SPIDR: variants seen among roughly 807,000 people sequenced by gnomAD.
The protein encoded by SPIDR is scaffold protein involved in DNA repair.
A neutral mutation model predicts 104.6 loss-of-function variants in SPIDR; 93 were observed. The observed-to-expected ratio is 0.89, with a 90% CI of 0.75 to 1.06. SPIDR has a LOEUF of 1.06. Among genes scored for constraint, SPIDR ranks in the 50% least tolerant of loss-of-function variants. The pLI, the probability that SPIDR is intolerant of heterozygous loss-of-function variation, is 0.00. For missense variants in SPIDR, 1,154 were observed against 1,111.2 expected, an observed-to-expected ratio of 1.04 and a Z score of -0.55; for synonymous variants, 431 against 416.9, an observed-to-expected ratio of 1.03 and a Z score of -0.41.
intron 5 of SPIDR, among the ~76,000 whole-genome samples, chr8:47,366,522 A>AGTGTGTT (rs1301289182): frequency 2.0e-5 from 3 of 152,170 alleles, no homozygotes; most frequent in Middle Eastern, 6.3e-3. Flanking sequence ...CTAGGTACGA[A>AGTGTGTT]GTGTGTTTCA....
At chr8:47,457,654 A>G (rs2073214697) in intron 8 of SPIDR, among the ~76,000 whole-genome samples, 2 of 152,084 alleles carry the variant, frequency 1.3e-5, no homozygotes, top group Non-Finnish European at 2.9e-5. Context: ...TTGGTCATGA[A>G]AACTTTGTCT....
intron 8 of SPIDR, among the ~76,000 whole-genome samples, chr8:47,560,770 T>A (rs887009913): frequency 1.3e-5 from 2 of 152,168 alleles, no homozygotes; most frequent in African/African-American, 4.8e-5. Context: ...CGTAGGGTGA[T>A]CTAGCCATTT....
intron 5 of SPIDR, among the ~76,000 whole-genome samples, chr8:47,351,568 A>G (rs984620039): frequency 5.7e-4 from 87 of 152,232 alleles, no homozygotes; most frequent in African/African-American, 2.0e-3. Context: ...AAACAAAATG[A>G]TGTCTTAATT....
chr8:47,265,800 A>G (rs2033839348), intron 1 of SPIDR, among the ~76,000 whole-genome samples: 2 of 152,204 alleles, frequency 1.3e-5, no homozygotes, highest in East Asian at 3.9e-4. Flanking sequence ...GGGCCTTGCT[A>G]GATCAAAGTG....
chr8:47,628,004 C>T (rs988519820), intron 10 of SPIDR, among the ~76,000 whole-genome samples: 2 of 152,202 alleles, frequency 1.3e-5, no homozygotes, highest in African/African-American at 4.8e-5. Context: ...ATACCACTGA[C>T]TGTGTTTACA....
intron 8 of SPIDR, among the ~76,000 whole-genome samples, chr8:47,525,066 G>A (rs892145813): frequency 1.3e-5 from 2 of 152,186 alleles, no homozygotes; most frequent in African/African-American, 4.8e-5. Context: ...CATTCTTCCC[G>A]GACTAGGGTG....
chr8:47,529,928 A>G (rs1051599899), intron 8 of SPIDR, among the ~76,000 whole-genome samples: 1 of 152,198 alleles, frequency 6.6e-6, no homozygotes, highest in Non-Finnish European at 1.5e-5. Context: ...GGAACCACAT[A>G]AAAAAGTAAA....
At chr8:47,527,390 C>T (rs533207913) in intron 8 of SPIDR, 2 of 152,342 alleles carry the variant, frequency 1.3e-5, no homozygotes, top group Non-Finnish European at 2.9e-5. Flanking sequence ...TTACTAAAGA[C>T]CTAGACCTCA....
chr8:47,608,593 C>T (rs892151928), intron 10 of SPIDR, among the ~76,000 whole-genome samples: 5 of 152,238 alleles, frequency 3.3e-5, no homozygotes, highest in African/African-American at 7.2e-5. Flanking sequence ...TCCACTTTCT[C>T]CACATCCACT....
chr8:47,493,424 A>G (rs2079028929), intron 8 of SPIDR, among the ~76,000 whole-genome samples: 3 of 152,232 alleles, frequency 2.0e-5, no homozygotes, highest in Admixed American at 1.3e-4. Flanking sequence ...AAGGAAATTA[A>G]TGCTGTGGGA....
chr8:47,407,971 G>A lies in SPIDR; in HGVS notation c.877+10G>A. On this transcript the variant is annotated intron_variant, in intron 7 of 19. Transcript: ENST00000297423. ...CAAAAGACACTTTCAGGTAAGGCTT[G>A]TGCAGGAATCTGAGACAATGTGTAA... is the stretch of plus-strand genomic sequence containing the variant. 2.0e-6 allele frequency: 3 copies of A among 1,496,790 alleles called. No homozygotes were observed. The highest frequency in any genetic ancestry group is 2.7e-6 in the Non-Finnish European group (3 of 1,094,216). The allele number at this position is 1,496,790 out of a possible 1,614,324, so 92.7% of individuals were successfully genotyped here. A position where few individuals can be genotyped will look rare whatever the true frequency, so the allele number is the denominator to read the frequency against.
intron 11 of SPIDR, among the ~76,000 whole-genome samples, chr8:47,696,375 T>G (rs1421554469): frequency 6.6e-6 from 1 of 152,246 alleles, no homozygotes; most frequent in African/African-American, 2.4e-5. Context: ...CGTATAAATA[T>G]CTCCATTTGT....
At chr8:47,529,663 T>C (rs1160022553) in intron 8 of SPIDR, among the ~76,000 whole-genome samples, 1 of 152,096 alleles carries the variant, frequency 6.6e-6, no homozygotes, top group Non-Finnish European at 1.5e-5. Context: ...AGGAGGATTA[T>C]AAGTGAAGGA....
chr8:47,678,889 T>A (rs1039532671), intron 11 of SPIDR, among the ~76,000 whole-genome samples: 3 of 152,168 alleles, frequency 2.0e-5, no homozygotes, highest in African/African-American at 7.2e-5. Flanking sequence ...GAAGCCAAGC[T>A]CAGTCAACAT....
At chr8:47,347,321 A>G (rs1554618953) in intron 5 of SPIDR, among the ~76,000 whole-genome samples, 1 of 152,172 alleles carries the variant, frequency 6.6e-6, no homozygotes, top group African/African-American at 2.4e-5. Flanking sequence ...ACAGTTTGTT[A>G]TGATTTCTGT....
At chr8:47,623,035 A>G (rs544383019) in intron 10 of SPIDR, among the ~76,000 whole-genome samples, 2 of 152,312 alleles carry the variant, frequency 1.3e-5, no homozygotes, top group Admixed American at 1.3e-4. Context: ...GATGAGAGAA[A>G]TTGCCACAGG....
chr8:47,669,679 G>T (rs897835861), intron 10 of SPIDR, among the ~76,000 whole-genome samples: 1 of 152,130 alleles, frequency 6.6e-6, no homozygotes, highest in African/African-American at 2.4e-5. Flanking sequence ...GGGGATTTTT[G>T]TGTTTGTCTT....
At chr8:47,684,415 G>A (rs565868443) in intron 11 of SPIDR, among the ~76,000 whole-genome samples, 1 of 152,254 alleles carries the variant, frequency 6.6e-6, no homozygotes, top group Admixed American at 6.5e-5. Flanking sequence ...ATCACTGAGG[G>A]GAGAAGCTGT....
At chr8:47,634,736 A>G (rs2067623187) in intron 10 of SPIDR, among the ~76,000 whole-genome samples, 1 of 152,148 alleles carries the variant, frequency 6.6e-6, no homozygotes, top group Non-Finnish European at 1.5e-5. Context: ...GAGCAGTGCA[A>G]ACTACTCCCC....
Sources: allele counts gnomAD v4.1 joint callset (sites outside exome capture counted in the v4.1 genomes callset), GRCh38; gene constraint gnomAD v4.1.1; transcripts MANE v1.5; gene names NCBI Gene and HGNC (gene_info 2026-07-23, HGNC 2026-07-21).